The following RCAN2 variants were observed in gnomAD, a reference collection of about 807,000 sequenced individuals.
RCAN2 encodes the protein calcipressin-2.
A neutral mutation model predicts 23.6 loss-of-function variants in RCAN2; 9 were observed. The observed-to-expected ratio is 0.38, with a 90% CI of 0.23 to 0.67. RCAN2 has a LOEUF of 0.67. Ranked by LOEUF, RCAN2 falls within the 30% of genes least tolerant of loss-of-function variation. The pLI is 0.51. For missense variants in RCAN2, 273 were observed against 302.3 expected, an observed-to-expected ratio of 0.90 and a Z score of 0.72; for synonymous variants, 109 against 115.7, an observed-to-expected ratio of 0.94 and a Z score of 0.37.
intron 2 of RCAN2, among the ~76,000 whole-genome samples, chr6:46,316,193 A>G (rs1231792437): frequency 1.3e-5 from 2 of 152,220 alleles, no homozygotes; most frequent in Non-Finnish European, 2.9e-5. Context: ...AATTCCATGT[A>G]CAAAGTCCAC....
At chr6:46,282,146 T>C (rs1762203278) in intron 2 of RCAN2, among the ~76,000 whole-genome samples, 2 of 152,148 alleles carry the variant, frequency 1.3e-5, no homozygotes, top group African/African-American at 4.8e-5. Flanking sequence ...AACAACTACT[T>C]CGCATTTCCC....
intron 2 of RCAN2, among the ~76,000 whole-genome samples, chr6:46,265,270 C>T (rs534069322): frequency 7.0e-4 from 107 of 152,112 alleles, no homozygotes; most frequent in African/African-American, 2.4e-3. Flanking sequence ...TGGTTTCCTC[C>T]GTGTGTGTGG....
At chr6:46,363,237 C>T (rs1765068184) in intron 2 of RCAN2, among the ~76,000 whole-genome samples, 1 of 152,054 alleles carries the variant, frequency 6.6e-6, no homozygotes, top group Non-Finnish European at 1.5e-5. Context: ...TGGGCTGTTT[C>T]ATTTGGCTTT....
rs546845914 is a variant in RCAN2, at chr6:46,487,097, G to C, written c.-3+4076C>G. Among the ~76,000 whole-genome samples the C allele has an allele frequency of 2.0e-5, 3 of 152,258 alleles. No individual in the cohort carries two copies. The East Asian group carries it at 5.8e-4, about 29-fold the overall frequency. On this transcript the variant is annotated intron_variant, in intron 1 of 4. Coordinates refer to ENST00000371374, the MANE Select transcript of RCAN2 (RefSeq NM_001251974.2). ...ACATATCTGTGCACAGACACACACA[G>C]AACAGAAAATCATTCTGTCCCCTCT...
chr6:46,311,666 A>T (rs1481250831), intron 2 of RCAN2, among the ~76,000 whole-genome samples: 1 of 152,140 alleles, frequency 6.6e-6, no homozygotes, highest in African/African-American at 2.4e-5. Context: ...ATGCCTTTGA[A>T]ACCCCAGATC....
At chr6:46,485,402 AAT>A (rs1272611593) in intron 1 of RCAN2, among the ~76,000 whole-genome samples, 9 of 152,218 alleles carry the variant, frequency 5.9e-5, no homozygotes, top group African/African-American at 2.2e-4. Context: ...AAAGTACATC[AAT>A]ATGTTTATAG....
chr6:46,447,875 C>A (rs1390488707), intron 2 of RCAN2, among the ~76,000 whole-genome samples: 1 of 151,456 alleles, frequency 6.6e-6, no homozygotes, highest in African/African-American at 2.4e-5. Context: ...TATAGCAATA[C>A]ATGCCTACAT....
At chr6:46,417,885 A>T (rs1169605270) in intron 2 of RCAN2, among the ~76,000 whole-genome samples, 1 of 152,222 alleles carries the variant, frequency 6.6e-6, no homozygotes, top group Non-Finnish European at 1.5e-5. Context: ...TAATTGCAGA[A>T]GCTATTAGAT....
intron 2 of RCAN2, among the ~76,000 whole-genome samples, chr6:46,453,401 G>T (rs1291287041): frequency 6.6e-6 from 1 of 152,202 alleles, no homozygotes; most frequent in Non-Finnish European, 1.5e-5. Context: ...ACTGAAGTAT[G>T]TGCTCACTCA....
chr6:46,366,080 G>T (rs1250241987), intron 2 of RCAN2, among the ~76,000 whole-genome samples: 1 of 152,144 alleles, frequency 6.6e-6, no homozygotes, highest in Non-Finnish European at 1.5e-5. Flanking sequence ...AATTCAAGTT[G>T]CTTGATTCAA....
chr6:46,349,551 C>T (rs1417361477), intron 2 of RCAN2, among the ~76,000 whole-genome samples: 1 of 151,240 alleles, frequency 6.6e-6, no homozygotes, highest in East Asian at 1.9e-4. Flanking sequence ...ATGTTCTGCA[C>T]ATGTATCCCA....
chr6:46,462,409 G>C (rs916644555), intron 1 of RCAN2, among the ~76,000 whole-genome samples: 2 of 152,066 alleles, frequency 1.3e-5, no homozygotes, highest in Non-Finnish European at 2.9e-5. Flanking sequence ...GAGAAGGGAG[G>C]GTTTGCGACC....
intron 2 of RCAN2, among the ~76,000 whole-genome samples, chr6:46,330,435 AT>A (rs1763932149): frequency 6.6e-6 from 1 of 152,214 alleles, no homozygotes; most frequent in African/African-American, 2.4e-5. Flanking sequence ...GCATCATATC[AT>A]TTCATTTATA....
At chr6:46,259,761 G>A (rs1767048631) in intron 2 of RCAN2, among the ~76,000 whole-genome samples, 1 of 152,156 alleles carries the variant, frequency 6.6e-6, no homozygotes, top group Non-Finnish European at 1.5e-5. Context: ...TGACCCACTA[G>A]TTATAAATTG....
At chr6:46,273,608 A>G (rs1198911979) in intron 2 of RCAN2, among the ~76,000 whole-genome samples, 1 of 152,214 alleles carries the variant, frequency 6.6e-6, no homozygotes, top group African/African-American at 2.4e-5. Flanking sequence ...CCTTTATCAC[A>G]TGAGAAAAAA....
At chr6:46,448,086 C>T (rs1767765868) in intron 2 of RCAN2, among the ~76,000 whole-genome samples, 1 of 151,514 alleles carries the variant, frequency 6.6e-6, no homozygotes, top group Non-Finnish European at 1.5e-5. Context: ...AAATCAACAA[C>T]CCTTAAGCTA....
At chr6:46,367,641 T>C (rs1765212413) in intron 2 of RCAN2, among the ~76,000 whole-genome samples, 1 of 152,246 alleles carries the variant, frequency 6.6e-6, no homozygotes, top group Non-Finnish European at 1.5e-5. Flanking sequence ...TAATGGATGA[T>C]GTATTTTACA....
chr6:46,480,467 A>C (rs991474587), intron 1 of RCAN2, among the ~76,000 whole-genome samples: 2 of 152,214 alleles, frequency 1.3e-5, no homozygotes, highest in East Asian at 1.9e-4. Flanking sequence ...CAGACAGAAG[A>C]AGCATTTAAT....
chr6:46,415,596 T>C (rs1474514205), intron 2 of RCAN2, among the ~76,000 whole-genome samples: 1 of 152,054 alleles, frequency 6.6e-6, no homozygotes, highest in African/African-American at 2.4e-5. Context: ...AGGATGTTGA[T>C]ATTTGAGGGC....
Sources: allele counts gnomAD v4.1 joint callset (sites outside exome capture counted in the v4.1 genomes callset), GRCh38; gene constraint gnomAD v4.1.1; transcripts MANE v1.5; gene names NCBI Gene and HGNC (gene_info 2026-07-23, HGNC 2026-07-21).